DYNC2H1: variants seen among roughly 807,000 people sequenced by gnomAD.
DYNC2H1 encodes cytoplasmic dynein 2 heavy chain 1.
Under a neutral mutation model 570.0 loss-of-function variants are expected in DYNC2H1, and 410 were observed. The observed-to-expected ratio is 0.72, with a 90% CI of 0.66 to 0.78. The LOEUF is 0.78. Ranked by LOEUF, DYNC2H1 falls within the 30% of genes least tolerant of loss-of-function variation. The probability of loss-of-function intolerance (pLI) is 0.00; values close to 1 mark genes in which losing one functional copy is unlikely to be tolerated. For missense variants in DYNC2H1, 4,865 were observed against 5,046.4 expected, an observed-to-expected ratio of 0.96 and a Z score of 1.09; for synonymous variants, 1,688 against 1,677.6, an observed-to-expected ratio of 1.01 and a Z score of -0.15.
chr11:103,222,108 T>C lies in DYNC2H1; in HGVS notation c.9186T>C (p.Ser3062=), dbSNP rs775189117. 14 of 1,598,794 alleles carry C rather than the reference T, an allele frequency of 8.8e-6. No individual in the cohort carries two copies. The highest frequency in any genetic ancestry group is 1.7e-5 in the Admixed American group (1 of 58,894). ...ATATTTCAAAGGAAATAAGAGAGAG[T>C]GTTGAAGAACTTCTTTTTAAAAATA... ...ARNISKEIRE[S]VEELLFKNKG... The change falls in exon 58 of 89, where the codon AGT becomes AGC. Residue 3062 remains serine, a synonymous_variant. Coordinates refer to ENST00000375735, the MANE Select transcript of DYNC2H1 (RefSeq NM_001377.3).
chr11:103,391,142 C>T (rs548229135), intron 83 of DYNC2H1, among the ~76,000 whole-genome samples: 34 of 152,302 alleles, frequency 2.2e-4, no homozygotes, highest in Non-Finnish European at 3.7e-4. Flanking sequence ...GCCAATCAGA[C>T]GTAGATTTGG....
At chr11:103,278,167 C>T (rs925698102) in intron 70 of DYNC2H1, among the ~76,000 whole-genome samples, 39 of 152,060 alleles carry the variant, frequency 2.6e-4, no homozygotes, top group Admixed American at 2.5e-3. Context: ...TTTCATCTTC[C>T]ATTTTGCTAG....
chr11:103,126,505 T>G (rs1859009213), intron 12 of DYNC2H1, among the ~76,000 whole-genome samples: 1 of 152,214 alleles, frequency 6.6e-6, no homozygotes, highest in Non-Finnish European at 1.5e-5. Context: ...TATGTTATTT[T>G]TAATTAATTC....
rs1863555933 is a variant in DYNC2H1 at position 103,220,789 on chromosome 11, T to C, written c.9107+6T>C. ...TCTTGGGTGAGCATGAAAAGGTACA[T>C]TTTTCAATTTGTGAAAAATATTATT... On this transcript the variant is annotated splice_donor_region_variant and intron_variant, in intron 57 of 88. Transcript: ENST00000375735. The C allele has an allele frequency of 6.3e-7, 1 of 1,595,010 alleles. No individual in the cohort carries two copies. The highest frequency in any genetic ancestry group is 1.8e-5 in the Admixed American group (1 of 56,720).
chr11:103,266,628 G>A (rs1865516267), intron 70 of DYNC2H1, among the ~76,000 whole-genome samples: 1 of 152,188 alleles, frequency 6.6e-6, no homozygotes, highest in Non-Finnish European at 1.5e-5. Context: ...AGCTGGCTAT[G>A]CATACATGCA....
chr11:103,313,600 C>A (rs921341249), intron 79 of DYNC2H1, among the ~76,000 whole-genome samples: 8 of 152,130 alleles, frequency 5.3e-5, no homozygotes, highest in African/African-American at 1.9e-4. Flanking sequence ...GCATTTGAGT[C>A]CTGACTTGAG....
rs762759507 is a variant in DYNC2H1 at position 103,121,492 on chromosome 11, T to C, written c.1481T>C (p.Leu494Ser). 2 of 1,611,562 alleles carry C rather than the reference T, an allele frequency of 1.2e-6. No individual in the cohort carries two copies. Among genetic ancestry groups the C allele is most frequent in the Non-Finnish European group, 1.7e-6 (2 of 1,179,034 alleles). ...ATAGTTTGGGTTCGCCAGTTGGAAT[T>C]GAAGGTATTTATTTTAATAAAAGAT... is the stretch of plus-strand genomic sequence containing the variant. ...NSIVWVRQLE[L>S]KVDDTIKIAE... The change falls in exon 10 of 89, where the codon TTG becomes TCG. Residue 494 changes from leucine to serine, a missense_variant. By Grantham distance (145) the Leu-to-Ser change is moderately radical. This residue lies in a region of DYNC2H1 where 1,936 missense variants were observed against 1,962.1 expected (regional missense o/e 0.99). Coordinates refer to ENST00000375735, the MANE Select transcript of DYNC2H1 (RefSeq NM_001377.3).
chr11:103,325,375 T>C lies in DYNC2H1; in HGVS notation c.12039+1385T>C, dbSNP rs1938419533. ...ATTTAAGTCTTTAATCCATCTTGAG[T>C]TGATTTTTGTATATGGTGGAAGGAG... is the stretch of plus-strand genomic sequence containing the variant. On this transcript the variant is annotated intron_variant, in intron 82 of 88. Coordinates refer to ENST00000375735, the MANE Select transcript of DYNC2H1 (RefSeq NM_001377.3). This position sits in a 1 kb window ranked among gnomAD's most constrained non-coding sequence, Gnocchi z 4.8. Among the ~76,000 whole-genome samples, 1 of 152,192 alleles carries C rather than the reference T, an allele frequency of 6.6e-6. No homozygotes were observed. The highest frequency in any genetic ancestry group is 1.5e-5 in the Non-Finnish European group (1 of 68,038).
At chr11:103,389,081 C>A (rs1942020493) in intron 83 of DYNC2H1, among the ~76,000 whole-genome samples, 1 of 152,154 alleles carries the variant, frequency 6.6e-6, no homozygotes, top group African/African-American at 2.4e-5. Context: ...GGAATGGTAC[C>A]AGCTCCTCCT....
chr11:103,455,526 T>A (rs1251676779), intron 86 of DYNC2H1, among the ~76,000 whole-genome samples: 1 of 152,200 alleles, frequency 6.6e-6, no homozygotes, highest in Non-Finnish European at 1.5e-5. Flanking sequence ...AATGTAACTT[T>A]TATAATTTTG....
chr11:103,221,798 G>A (rs1264878047), intron 57 of DYNC2H1, among the ~76,000 whole-genome samples: 2 of 152,156 alleles, frequency 1.3e-5, no homozygotes, highest in African/African-American at 4.8e-5. Flanking sequence ...GGAGATTGCA[G>A]TGAGCTGAGA....
chr11:103,154,668 T>G (rs1269561521), intron 23 of DYNC2H1, 27 bp from the exon 24 acceptor site: 18 of 1,566,102 alleles, frequency 1.1e-5, no homozygotes, highest in Non-Finnish European at 1.6e-5. Flanking sequence ...GATGTAATCT[T>G]TGCAATGTGT....
chr11:103,414,363 G>A lies in DYNC2H1; in HGVS notation c.12366+14491G>A, dbSNP rs139817117. Among the ~76,000 whole-genome samples the A allele has an allele frequency of 6.2e-4, 95 of 152,170 alleles. 2 individuals are homozygous for A. In the East Asian group the frequency reaches 0.018, roughly 29 times the overall value. ...CTGCTGGGCGCAGTGGCTCACGCCT[G>A]TAATCCCAGCACTTTGGGAGGCCGA... is the stretch of plus-strand genomic sequence containing the variant. On this transcript the variant is annotated intron_variant, in intron 84 of 88. Transcript: ENST00000375735.
At chr11:103,267,435 T>G (rs2135296564) in intron 70 of DYNC2H1, among the ~76,000 whole-genome samples, 1 of 151,414 alleles carries the variant, frequency 6.6e-6, no homozygotes, top group South Asian at 2.1e-4. Flanking sequence ...CAAACCTCAC[T>G]TTTTAAGCCT....
chr11:103,154,961 A>T (rs937397138), intron 24 of DYNC2H1, among the ~76,000 whole-genome samples, 152 bp downstream of exon 24: 1 of 152,106 alleles, frequency 6.6e-6, no homozygotes, highest in African/African-American at 2.4e-5. Flanking sequence ...AAACCATAGA[A>T]ATTATTGATA....
chr11:103,277,666 A>G lies in DYNC2H1; in HGVS notation c.10696-2682A>G, dbSNP rs939663408. 1.3e-5 allele frequency among the ~76,000 whole-genome samples: 2 copies of G among 152,134 alleles called. No individual in the cohort carries two copies. The highest frequency in any genetic ancestry group is 6.5e-5 in the Admixed American group (1 of 15,276). On this transcript the variant is annotated intron_variant, in intron 70 of 88. Transcript: ENST00000375735. This position sits in a 1 kb window ranked among gnomAD's most constrained non-coding sequence, Gnocchi z 4.3. The stretch of plus-strand genomic sequence containing the variant: ...CTTTATCTTTTGGAGTTCTTTGAGA[A>G]CAGGGTTAGGGGAGTAGTTCTCTAA...
rs371418737 is a variant in DYNC2H1, at chr11:103,450,753, A to G, written c.12457-4433A>G. 5.9e-5 allele frequency among the ~76,000 whole-genome samples: 9 copies of G among 152,336 alleles called. No individual in the cohort carries two copies. In the East Asian group the frequency reaches 1.5e-3, roughly 26 times the overall value. On this transcript the variant is annotated intron_variant, in intron 85 of 88. Transcript: ENST00000375735. ...CAAGGAACACAGTGCATTAAAACAA[A>G]GTAAAATGGCATCAGTTTATAAATA...
At chr11:103,286,415 A>C (rs1435070287) in intron 74 of DYNC2H1, 29 bp downstream of exon 74, 2 of 1,602,862 alleles carry the variant, frequency 1.2e-6, no homozygotes, top group Non-Finnish European at 1.7e-6. Context: ...TAAATGCAAA[A>C]AAGTGTTTAA....
intron 70 of DYNC2H1, among the ~76,000 whole-genome samples, chr11:103,265,410 G>C (rs1213380318): frequency 6.6e-6 from 1 of 152,158 alleles, no homozygotes; most frequent in East Asian, 1.9e-4. Context: ...TAGTCTTCAA[G>C]CTCTCAGATT....
Sources: allele counts gnomAD v4.1 joint callset (sites outside exome capture counted in the v4.1 genomes callset), GRCh38; gene constraint gnomAD v4.1.1; regional missense constraint gnomAD v4.1.1; non-coding constraint Gnocchi (gnomAD v3.1); transcripts MANE v1.5; gene names NCBI Gene and HGNC (gene_info 2026-07-23, HGNC 2026-07-21).